DLG1: variants seen among roughly 807,000 people sequenced by gnomAD.
DLG1 encodes the protein discs large MAGUK scaffold protein 1.
A neutral mutation model predicts 123.4 loss-of-function variants in DLG1; 42 were observed. The ratio of observed to expected loss-of-function variants is 0.34; its 90% CI spans 0.27 to 0.44. The LOEUF is 0.44. DLG1 is among the 20% of genes least tolerant of loss of function. DLG1 has a pLI of 1.00. For missense variants in DLG1, 942 were observed against 1,082.6 expected (o/e 0.87, Z 1.82); for synonymous variants, 317 against 356.2 (o/e 0.89, Z 1.24).
At chr3:197,162,861 C>G (rs546585463) in intron 5 of DLG1, among the ~76,000 whole-genome samples, 1 of 152,222 alleles carries the variant, frequency 6.6e-6, no homozygotes, top group African/African-American at 2.4e-5. Flanking sequence ...TAGACTCTAA[C>G]AGAATTAAAA....
chr3:197,081,192 T>A lies in DLG1; in HGVS notation c.1839-75A>T, dbSNP rs1479383796. 17 of 1,403,100 alleles carry A rather than the reference T, an allele frequency of 1.2e-5. No homozygotes were observed. In the East Asian group the frequency reaches 4.0e-4, roughly 33 times the overall value. 86.9% of individuals were successfully genotyped at this position (1,403,100 alleles called of 1,614,324 possible). On this transcript the variant is annotated intron_variant, in intron 16 of 24. Transcript: ENST00000667157. ...GTCTTACTAGAAATAACCAGAATTG[T>A]TATCTTTATAATGGGCATTTTTATA...
chr3:197,213,957 G>A (rs1732647395), intron 4 of DLG1, among the ~76,000 whole-genome samples: 1 of 152,186 alleles, frequency 6.6e-6, no homozygotes. Context: ...TTCTCTCACA[G>A]AGAAGCAGTA....
Position 197,115,987 on chromosome 3 carries a change from G to A in DLG1, c.1383C>T (p.Ile461=), listed in dbSNP as rs1163879679. The change falls in exon 13 of 25, where the codon ATC becomes ATT. Residue 461 remains isoleucine, a synonymous_variant. Transcript: ENST00000667157. The part of the protein sequence containing the change: ...EDGEGIFISF[I]LAGGPADLSG... Reference sequence around the variant, plus strand: ...TTAGATCAGCAGGTCCTCCGGCTAAGATAAAGGAAATAAATATTCCTTCTC... The same window carrying A: ...TTAGATCAGCAGGTCCTCCGGCTAAAATAAAGGAAATAAATATTCCTTCTC... 1.2e-6 allele frequency: 2 copies of A among 1,613,124 alleles called. No individual in the cohort carries two copies. The highest frequency in any genetic ancestry group is 1.7e-6 in the Non-Finnish European group (2 of 1,179,632).
intron 11 of DLG1, among the ~76,000 whole-genome samples, chr3:197,120,243 T>G (rs2149440389): frequency 7.1e-6 from 1 of 140,232 alleles, no homozygotes; most frequent in Admixed American, 7.7e-5. Context: ...CCTACGTAGG[T>G]GACAGAGTGA....
At chr3:197,221,609 T>C (rs1052884275) in intron 4 of DLG1, among the ~76,000 whole-genome samples, 30 of 152,194 alleles carry the variant, frequency 2.0e-4, no homozygotes, top group Admixed American at 6.5e-5. Flanking sequence ...GTAGACATTT[T>C]ACCAACTAGA....
At chr3:197,275,080 G>C (rs1765750787) in intron 4 of DLG1, among the ~76,000 whole-genome samples, 1 of 151,984 alleles carries the variant, frequency 6.6e-6, no homozygotes, top group African/African-American at 2.4e-5. Flanking sequence ...CAGCTACTCA[G>C]GTGGCTGAGG....
chr3:197,230,818 G>A (rs1349379378), intron 4 of DLG1, among the ~76,000 whole-genome samples: 4 of 152,126 alleles, frequency 2.6e-5, no homozygotes, highest in African/African-American at 4.8e-5. Flanking sequence ...AAGACCAGAA[G>A]TATACATCTT....
intron 23 of DLG1, among the ~76,000 whole-genome samples, chr3:197,058,195 G>A (rs1010616587): frequency 6.6e-6 from 1 of 152,060 alleles, no homozygotes; most frequent in Non-Finnish European, 1.5e-5. Context: ...GCCCAGGCTG[G>A]TCTTGAACTC....
At chr3:197,129,022 G>A (rs1781193474) in intron 11 of DLG1, among the ~76,000 whole-genome samples, 1 of 152,168 alleles carries the variant, frequency 6.6e-6, no homozygotes, top group Admixed American at 6.5e-5. Flanking sequence ...TTTCTGGACT[G>A]GTAAATGGGC....
intron 5 of DLG1, among the ~76,000 whole-genome samples, chr3:197,169,410 G>A (rs918857570): frequency 3.3e-5 from 5 of 152,110 alleles, no homozygotes; most frequent in African/African-American, 1.2e-4. Flanking sequence ...GGACATATGA[G>A]CAGTCAAATC....
chr3:197,080,776 T>G, intron 17 of DLG1: 1 of 241,582 alleles, frequency 4.1e-6, no homozygotes, highest in Non-Finnish European at 8.0e-6. Context: ...AACACAAATT[T>G]CTAATTGGAA....
At chr3:197,112,171 A>G (rs961738165) in intron 13 of DLG1, among the ~76,000 whole-genome samples, 4 of 152,178 alleles carry the variant, frequency 2.6e-5, no homozygotes, top group African/African-American at 4.8e-5. Context: ...TTTGTTGTTC[A>G]ACTAAGTGGG....
At chr3:197,248,069 T>A (rs1752614820) in intron 4 of DLG1, among the ~76,000 whole-genome samples, 1 of 152,008 alleles carries the variant, frequency 6.6e-6, no homozygotes, top group Non-Finnish European at 1.5e-5. Flanking sequence ...TTGGACTTAC[T>A]CACTCTACAC....
intron 11 of DLG1, 140 bp downstream of exon 11, chr3:197,130,387 G>A (rs1781891203): frequency 1.4e-6 from 1 of 717,352 alleles, no homozygotes; most frequent in Non-Finnish European, 2.0e-6. Flanking sequence ...TTTAAAAAAT[G>A]AGTAGATTAA....
At chr3:197,247,519 A>G (rs1049406496) in intron 4 of DLG1, among the ~76,000 whole-genome samples, 1 of 152,074 alleles carries the variant, frequency 6.6e-6, no homozygotes, top group Non-Finnish European at 1.5e-5. Flanking sequence ...ACAGGGCATA[A>G]TCTATTTTCT....
chr3:197,086,303 C>T (rs561184451), intron 15 of DLG1, among the ~76,000 whole-genome samples: 2 of 152,146 alleles, frequency 1.3e-5, no homozygotes, highest in South Asian at 4.1e-4. Context: ...TTAACAGCTG[C>T]CAAATATTTT....
intron 13 of DLG1, among the ~76,000 whole-genome samples, chr3:197,105,635 A>G (rs1349185814): frequency 6.6e-6 from 1 of 152,194 alleles, no homozygotes; most frequent in Non-Finnish European, 1.5e-5. Context: ...ACCAGTAGGT[A>G]CAATCCTACT....
intron 4 of DLG1, among the ~76,000 whole-genome samples, chr3:197,228,285 G>A (rs1741006108): frequency 6.6e-6 from 1 of 152,124 alleles, no homozygotes; most frequent in South Asian, 2.1e-4. Context: ...ATAAAATTCA[G>A]TTCTGTGCAG....
At chr3:197,172,151 GA>G (rs141704618) in intron 5 of DLG1, among the ~76,000 whole-genome samples, 2,276 of 152,242 alleles carry the variant, frequency 0.015, 60 homozygotes, top group African/African-American at 0.052. Context: ...TAATGGAGCT[GA>G]AAAATTTCTA....
Sources: gnomAD v4.1 joint callset for allele counts (sites outside exome capture counted in the v4.1 genomes callset) on GRCh38, gnomAD v4.1.1 for gene constraint, MANE v1.5 for transcripts, NCBI Gene and HGNC (gene_info 2026-07-23, HGNC 2026-07-21) for gene names.